Variants in SAG observed in about 807,000 individuals in gnomAD.
The protein encoded by SAG is S-antigen visual arrestin.
Under a neutral mutation model 55.0 loss-of-function variants are expected in SAG, and 45 were observed. The ratio of observed to expected loss-of-function variants is 0.82; its 90% confidence interval spans 0.64 to 1.05. The LOEUF is 1.05. Ranked by LOEUF, SAG falls within the 50% of genes least tolerant of loss-of-function variation. The probability of loss-of-function intolerance (pLI) is 0.00; values close to 1 mark genes in which losing one functional copy is unlikely to be tolerated. For missense variants in SAG, 455 were observed against 512.1 expected, an observed-to-expected ratio of 0.89 and a Z score of 1.08; for synonymous variants, 189 against 197.4, an observed-to-expected ratio of 0.96 and a Z score of 0.36.
At chr2:233,316,965 G>A (rs1700230225) in intron 3 of SAG, among the ~76,000 whole-genome samples, 1 of 152,144 alleles carries the variant, frequency 6.6e-6, no homozygotes, top group East Asian at 1.9e-4. Context: ...GGGCCCAAGC[G>A]ATCCTCCGAC....
At chr2:233,324,154 T>C (rs1700474858) in intron 6 of SAG, among the ~76,000 whole-genome samples, 1 of 152,042 alleles carries the variant, frequency 6.6e-6, no homozygotes, top group South Asian at 2.1e-4. Flanking sequence ...CCCAGCACTT[T>C]GGGAGGCTGA....
rs1553612998 is a variant in SAG, at chr2:233,319,290, T to TC, written c.181+495_181+496insC. On this transcript the variant is annotated intron_variant, in intron 4 of 15. Coordinates refer to ENST00000409110, the MANE Select transcript of SAG (RefSeq NM_000541.5). The surrounding 1 kb of genome is among the most constrained non-coding windows in gnomAD (Gnocchi z 4.4). ...CCAAAAAGGGGGAAATGATGCCTGC[T>TC]GGGGGCAGGGGGAGTAAGACCCAGA... Among the ~76,000 whole-genome samples, 3 of 151,676 alleles carry TC rather than the reference T, an allele frequency of 2.0e-5. No homozygotes were observed. Among genetic ancestry groups the TC allele is most frequent in the Non-Finnish European group, 4.4e-5 (3 of 67,958 alleles).
intron 1 of SAG, among the ~76,000 whole-genome samples, chr2:233,308,629 G>T (rs1700001135): frequency 6.6e-6 from 1 of 152,096 alleles, no homozygotes; most frequent in Admixed American, 6.6e-5. Flanking sequence ...ATCTTGCTAT[G>T]TTGCCCAGGC....
At chr2:233,338,874 A>T (rs762071241) in intron 12 of SAG, 121 bp downstream of exon 12, 2 of 814,148 alleles carry the variant, frequency 2.5e-6, no homozygotes, top group Admixed American at 3.8e-5. Flanking sequence ...TCTACCAAGG[A>T]TTACCAAGTA....
intron 9 of SAG, 70 bp from the exon 10 acceptor site, chr2:233,331,570 G>A: frequency 1.0e-6 from 1 of 963,652 alleles, no homozygotes; most frequent in Non-Finnish European, 1.7e-6. Flanking sequence ...TGTACCCTGG[G>A]AGGCCGCAGG....
intron 7 of SAG, chr2:233,327,608 C>CGAT (rs1700607598): frequency 6.4e-6 from 1 of 156,692 alleles, no homozygotes; most frequent in African/African-American, 2.4e-5. Flanking sequence ...TGCAATGTGA[C>CGAT]CTCGGCTCAC....
chr2:233,325,321 A>G lies in SAG; in HGVS notation c.436-1800A>G, dbSNP rs1292192889. 3.3e-5 allele frequency among the ~76,000 whole-genome samples: 5 copies of G among 150,606 alleles called. No individual in the cohort carries two copies. In the East Asian group the frequency reaches 7.8e-4, roughly 23 times the overall value. On this transcript the variant is annotated intron_variant, in intron 6 of 15. Transcript: ENST00000409110. ...CAGTGAACTGAAATTGTGCCACTAC[A>G]CTCCAGCCTGAGCAACAGAGCAAGA...
Position 233,316,075 on chromosome 2 carries a change from G to A in SAG, c.76G>A (p.Val26Met), listed in dbSNP as rs1700210801. 3 of 1,581,932 alleles carry A rather than the reference G, an allele frequency of 1.9e-6. No homozygotes were observed. The highest frequency in any genetic ancestry group is 2.6e-6 in the Non-Finnish European group (3 of 1,158,254). Residue 26 changes from valine to methionine, a missense_variant and splice_region_variant, in exon 3 of 16, where the codon GTG becomes ATG. Physicochemically the swap from Val to Met is conservative, Grantham distance 21. Transcript: ENST00000409110. ...AGACCCACACCTGTTCTTCTTGCAG[G>A]TGACCATCTACCTGGGGAACAGAGA... ...IFKKISRDKS[V>M]TIYLGNRDYI...
At chr2:233,310,853 C>T (rs1312519624) in intron 2 of SAG, among the ~76,000 whole-genome samples, 1 of 152,086 alleles carries the variant, frequency 6.6e-6, no homozygotes, top group Non-Finnish European at 1.5e-5. Context: ...AAGAACCTCC[C>T]CATCCTTACC....
chr2:233,315,060 G>T (rs1700179610), intron 2 of SAG, among the ~76,000 whole-genome samples: 1 of 152,160 alleles, frequency 6.6e-6, no homozygotes, highest in African/African-American at 2.4e-5. Context: ...GGATTAAAGT[G>T]CTGAGGGCTG....
At chr2:233,331,815 C>T (rs1700775458) in intron 10 of SAG, 103 bp downstream of exon 10, 6 of 834,592 alleles carry the variant, frequency 7.2e-6, no homozygotes, top group South Asian at 1.4e-5. Flanking sequence ...TCAGCTAGCT[C>T]GCCAGCCTTC....
intron 10 of SAG, chr2:233,333,432 A>C (rs959123835): frequency 1.3e-5 from 2 of 152,284 alleles, no homozygotes; most frequent in Non-Finnish European, 2.9e-5. Flanking sequence ...ACTGGAAAGC[A>C]TTCCAAAGTC....
intron 8 of SAG, 50 bp from the exon 9 acceptor site, chr2:233,329,443 A>T (rs1339422902): frequency 8.9e-7 from 1 of 1,118,594 alleles, no homozygotes; most frequent in Non-Finnish European, 1.4e-6. Context: ...AAGATTAAAG[A>T]CACCGCCACA....
chr2:233,312,571 T>C (rs1051907764), intron 2 of SAG, among the ~76,000 whole-genome samples: 5 of 152,220 alleles, frequency 3.3e-5, no homozygotes, highest in Non-Finnish European at 7.3e-5. Flanking sequence ...ATTCAAGTCT[T>C]TCATCCTGCT....
intron 2 of SAG, among the ~76,000 whole-genome samples, chr2:233,315,858 A>G (rs2125324016): frequency 6.6e-6 from 1 of 151,314 alleles, no homozygotes; most frequent in Middle Eastern, 3.4e-3. Flanking sequence ...GCGTGCCACC[A>G]CGCCCAGCTA....
In SAG at chr2:233,318,711, T is replaced by A. The variant is rs373592216; in HGVS notation, c.137-40T>A. On this transcript the variant is annotated intron_variant, in intron 3 of 15. Transcript: ENST00000409110. ...TAAAGTAGGTGTCTGGTTTCTTTCA[T>A]CTTCTCCACCCTCACTGCTCTCTCC... 22 of 1,590,028 alleles carry A rather than the reference T, an allele frequency of 1.4e-5. No individual in the cohort carries two copies. The Middle Eastern group carries it at 1.2e-3, about 84-fold the overall frequency.
chr2:233,346,530 G>T, intron 15 of SAG, 118 bp downstream of exon 15: 1 of 1,126,750 alleles, frequency 8.9e-7, no homozygotes, highest in South Asian at 1.2e-5. Flanking sequence ...CGGCTCAGGA[G>T]GCACATCCGC....
chr2:233,328,661 C>T (rs768712471), intron 8 of SAG, 48 bp downstream of exon 8: 4 of 1,559,906 alleles, frequency 2.6e-6, no homozygotes, highest in Non-Finnish European at 8.7e-7. Context: ...GGCCTAGGGG[C>T]AGGCCCCACA....
intron 3 of SAG, among the ~76,000 whole-genome samples, chr2:233,317,008 T>A (rs947434866): frequency 6.6e-6 from 1 of 152,190 alleles, no homozygotes; most frequent in Non-Finnish European, 1.5e-5. Context: ...ACTACAGGCA[T>A]GTGCCACCAC....
Sources: gnomAD v4.1 joint callset for allele counts (sites outside exome capture counted in the v4.1 genomes callset) on GRCh38, gnomAD v4.1.1 for gene constraint, Gnocchi (gnomAD v3.1) non-coding constraint, MANE v1.5 for transcripts, NCBI Gene and HGNC (gene_info 2026-07-23, HGNC 2026-07-21) for gene names.